Variants in MSRA observed in about 807,000 individuals in gnomAD.
MSRA encodes the protein methionine sulfoxide reductase A, also known as mitochondrial peptide methionine sulfoxide reductase.
In MSRA, 54 loss-of-function variants were observed where a neutral mutation model predicts 31.3. The observed-to-expected ratio is 1.73, with a 90% confidence interval of 1.39 to 2.17. The LOEUF is 2.17. MSRA is among the 30% of genes most tolerant of loss of function. The pLI is 0.00. For synonymous variants in MSRA, 169 were observed against 116.5 expected (o/e 1.45, Z -2.90); for missense variants, 507 against 300.9 (o/e 1.69, Z -5.07).
At chr8:10,069,688 G>A (rs925405451) in intron 1 of MSRA, among the ~76,000 whole-genome samples, 1 of 152,176 alleles carries the variant, frequency 6.6e-6, no homozygotes, top group African/African-American at 2.4e-5. Flanking sequence ...ATCCATGAGG[G>A]ATGAGCCCTC....
At chr8:10,418,858 C>G (rs1200313030) in intron 5 of MSRA, among the ~76,000 whole-genome samples, 1 of 106,770 alleles carries the variant, frequency 9.4e-6, no homozygotes, top group Non-Finnish European at 2.0e-5. Flanking sequence ...AAAAAAAACA[C>G]CAACAGGGAG....
intron 1 of MSRA, chr8:10,095,498 A>G: frequency 1.0e-6 from 1 of 985,490 alleles, no homozygotes. Context: ...ACAGACTGGC[A>G]CAGCCTGGAC....
chr8:10,265,550 G>A (rs1387115416), intron 3 of MSRA, among the ~76,000 whole-genome samples: 1 of 152,206 alleles, frequency 6.6e-6, no homozygotes, highest in Non-Finnish European at 1.5e-5. Flanking sequence ...GCAGGGACTA[G>A]ACCAGAACCC....
chr8:10,262,341 A>T (rs1585305558), intron 3 of MSRA, among the ~76,000 whole-genome samples: 3 of 152,210 alleles, frequency 2.0e-5, no homozygotes, highest in Admixed American at 2.0e-4. Context: ...TGCTACCAGC[A>T]GTGAGTGGGA....
chr8:10,223,231 C>A (rs1311669019), intron 2 of MSRA, among the ~76,000 whole-genome samples: 1 of 152,130 alleles, frequency 6.6e-6, no homozygotes, highest in Admixed American at 6.5e-5. Flanking sequence ...TTAAACCACT[C>A]AGAATCATGT....
chr8:10,351,930 G>A (rs1447693264), intron 5 of MSRA, among the ~76,000 whole-genome samples: 1 of 152,250 alleles, frequency 6.6e-6, no homozygotes, highest in Non-Finnish European at 1.5e-5. Flanking sequence ...CACATTTAAT[G>A]AGAAGAGAAC....
At chr8:10,417,306 C>T (rs554413163) in intron 5 of MSRA, among the ~76,000 whole-genome samples, 3 of 152,062 alleles carry the variant, frequency 2.0e-5, no homozygotes, top group South Asian at 2.1e-4. Context: ...CTTGCATGTG[C>T]CAGCAGTGAT....
At chr8:10,361,576 T>A (rs1442517365) in intron 5 of MSRA, among the ~76,000 whole-genome samples, 1 of 152,058 alleles carries the variant, frequency 6.6e-6, no homozygotes, top group African/African-American at 2.4e-5. Context: ...GGCTGCAAAC[T>A]CGGGATGTAA....
At chr8:10,113,526 T>A (rs1218806481) in intron 1 of MSRA, among the ~76,000 whole-genome samples, 1 of 151,652 alleles carries the variant, frequency 6.6e-6, no homozygotes, top group East Asian at 2.0e-4. Context: ...GGGGAAGTTT[T>A]CTTCTTTGAA....
chr8:10,418,734 A>T (rs1808627281), intron 5 of MSRA, among the ~76,000 whole-genome samples: 1 of 151,114 alleles, frequency 6.6e-6, no homozygotes, highest in South Asian at 2.1e-4. Context: ...TGATAGTGGT[A>T]CAACAAAGTG....
At chr8:10,337,765 T>C in intron 5 of MSRA, 2 of 702,648 alleles carry the variant, frequency 2.8e-6, no homozygotes, top group Non-Finnish European at 5.2e-6. Context: ...CCTCCTCTGC[T>C]CAACTCGCCT....
At chr8:10,232,563 C>T (rs1811584814) in intron 2 of MSRA, among the ~76,000 whole-genome samples, 1 of 152,202 alleles carries the variant, frequency 6.6e-6, no homozygotes, top group Non-Finnish European at 1.5e-5. Context: ...AATCACAGAT[C>T]TTTACCAGTC....
chr8:10,269,976 C>T (rs961870249), intron 3 of MSRA, among the ~76,000 whole-genome samples: 2 of 152,164 alleles, frequency 1.3e-5, no homozygotes, highest in Admixed American at 6.5e-5. Flanking sequence ...TCTCTGTGAC[C>T]GTGGAAAAAT....
chr8:10,150,615 C>T (rs1035343190), intron 1 of MSRA, among the ~76,000 whole-genome samples: 1 of 152,124 alleles, frequency 6.6e-6, no homozygotes, highest in African/African-American at 2.4e-5. Context: ...AAAAAAGCAG[C>T]CTCACATAGC....
intron 1 of MSRA, among the ~76,000 whole-genome samples, chr8:10,144,638 C>G (rs910836252): frequency 9.3e-5 from 13 of 140,224 alleles, no homozygotes; most frequent in African/African-American, 2.4e-4. Context: ...TTTCCTTGAT[C>G]TCTGCAATGT....
intron 5 of MSRA, among the ~76,000 whole-genome samples, chr8:10,356,527 G>A (rs906783150): frequency 6.6e-6 from 1 of 152,208 alleles, no homozygotes; most frequent in Non-Finnish European, 1.5e-5. Context: ...TGGACTGAAT[G>A]CTATGTCCCA....
At chr8:10,137,030 T>C (rs948176389) in intron 1 of MSRA, among the ~76,000 whole-genome samples, 5 of 152,216 alleles carry the variant, frequency 3.3e-5, no homozygotes, top group Non-Finnish European at 7.3e-5. Context: ...TGTCGAATTC[T>C]GCAGTAACCT....
chr8:10,356,518 G>T (rs1804516447), intron 5 of MSRA, among the ~76,000 whole-genome samples: 1 of 152,116 alleles, frequency 6.6e-6, no homozygotes, highest in Non-Finnish European at 1.5e-5. Context: ...TGTGTGCTGT[G>T]GACTGAATGC....
chr8:10,422,344 G>T (rs1300881624), intron 5 of MSRA, among the ~76,000 whole-genome samples: 3 of 152,106 alleles, frequency 2.0e-5, no homozygotes, highest in Non-Finnish European at 4.4e-5. Context: ...TGCATTCCTC[G>T]TCCTAGCACA....
Sources: gnomAD v4.1 joint callset for allele counts (sites outside exome capture counted in the v4.1 genomes callset) on GRCh38, gnomAD v4.1.1 for gene constraint, MANE v1.5 for transcripts, NCBI Gene and HGNC (gene_info 2026-07-23, HGNC 2026-07-21) for gene names.